Variants in KCNV1 observed in about 807,000 individuals in gnomAD.
KCNV1 encodes potassium voltage-gated channel subfamily V member 1.
Under a neutral mutation model 36.4 loss-of-function variants are expected in KCNV1, and 2 were observed. That is an observed-to-expected ratio of 0.05 (90% CI 0.02 to 0.17). The LOEUF is 0.17. Among genes scored for constraint, KCNV1 ranks in the 10% least tolerant of loss-of-function variants. The pLI is 1.00. For missense variants in KCNV1, 321 were observed against 643.6 expected (o/e 0.50, Z 5.42); for synonymous variants, 280 against 261.1 (o/e 1.07, Z -0.70).
At position 109,968,258 on chromosome 8, in the gene KCNV1, C is replaced by T. The variant is rs371299964; in HGVS notation, c.1333G>A (p.Val445Ile). Reference protein sequence around the residue: ...YFTLKLKEAAVRQREALKKLT... With the variant: ...YFTLKLKEAAIRQREALKKLT... The stretch of plus-strand genomic sequence containing the variant: ...TTCTTTAGGGCTTCACGCTGTCTAA[C>T]AGCTGCTTCCTTGAGTTTCAAGGTG... The change falls in exon 4 of 4, where the codon GTT becomes ATT. Residue 445 changes from valine (V) to isoleucine (I), a missense_variant. Val to Ile is a conservative substitution (Grantham distance 29). This residue lies in a region of KCNV1 where 45 missense variants were observed against 76.8 expected (regional missense o/e 0.59). Coordinates refer to ENST00000524391, the MANE Select transcript of KCNV1 (RefSeq NM_014379.4). The surrounding 1 kb of genome is among the most constrained non-coding windows in gnomAD (Gnocchi z 5.3). 1 of 1,614,180 alleles carries T rather than the reference C, an allele frequency of 6.2e-7. No homozygotes were observed. The highest frequency in any genetic ancestry group is 8.5e-7 in the Non-Finnish European group (1 of 1,180,028).
intron 3 of KCNV1, among the ~76,000 whole-genome samples, chr8:109,970,031 A>G (rs1157512221): frequency 6.6e-6 from 1 of 152,156 alleles, no homozygotes; most frequent in Non-Finnish European, 1.5e-5. Flanking sequence ...ACCTCTTAGA[A>G]TCATTTTTTG....
Position 109,964,205 on chromosome 8 carries a change from C to T in KCNV1, c.*3883G>A, listed in dbSNP as rs1179990930. 6.6e-6 allele frequency: 1 copy of T among 151,552 alleles called. No homozygotes were observed. The highest frequency in any genetic ancestry group is 1.5e-5 in the Non-Finnish European group (1 of 67,952). The allele number at this position is 151,552 out of a possible 1,614,324, so 9.4% of individuals were successfully genotyped here. The stretch of plus-strand genomic sequence containing the variant: ...GCAAAGGATATGAACAGACACTTTT[C>T]AAAAGAAAACATACATGCAGCCAAC... On this transcript the variant is annotated 3_prime_UTR_variant, in exon 4 of 4. Transcript: ENST00000524391.
chr8:109,968,741 G>T lies in KCNV1; in HGVS notation c.992-142C>A. On this transcript the variant is annotated intron_variant, in intron 3 of 3. Coordinates refer to ENST00000524391, the MANE Select transcript of KCNV1 (RefSeq NM_014379.4). The surrounding 1 kb of genome is among the most constrained non-coding windows in gnomAD (Gnocchi z 5.3). ...CCCCAGCACTGGGCAATGTTCTGGGGATACAAAGTTGATTAAATCATAATC... is the reference window on the plus strand; with the variant it reads ...CCCCAGCACTGGGCAATGTTCTGGGTATACAAAGTTGATTAAATCATAATC... 1 of 792,096 alleles carries T rather than the reference G, an allele frequency of 1.3e-6. No individual in the cohort carries two copies. Among genetic ancestry groups the T allele is most frequent in the Non-Finnish European group, 1.9e-6 (1 of 525,200 alleles). The allele number at this position is 792,096 out of a possible 1,614,324, so 49.1% of individuals were successfully genotyped here.
At position 109,968,181 on chromosome 8, in the gene KCNV1, A is replaced by G. The variant is rs746425470; in HGVS notation, c.1410T>C (p.Asp470=). ...TCTCCATGATACTCCGGGCATAGAC[A>G]TCTCTCAAGTTAACACTGATATATG... ...TDSYISVNLR[D]VYARSIMEML... The change falls in exon 4 of 4, where the codon GAT becomes GAC. Residue 470 remains aspartate, a synonymous_variant. Coordinates refer to ENST00000524391, the MANE Select transcript of KCNV1 (RefSeq NM_014379.4). This position sits in a 1 kb window ranked among gnomAD's most constrained non-coding sequence, Gnocchi z 5.3. 7 of 1,614,206 alleles carry G rather than the reference A, an allele frequency of 4.3e-6. No homozygotes were observed. In the East Asian group the frequency reaches 1.6e-4, roughly 36 times the overall value.
Position 109,973,920 on chromosome 8 carries a change from C to T in KCNV1, c.461+8G>A. 6.3e-7 allele frequency: 1 copy of T among 1,580,284 alleles called. No individual in the cohort carries two copies. Among genetic ancestry groups the T allele is most frequent in the South Asian group, 1.2e-5 (1 of 86,702 alleles). ...TCCCCGCCCAGCCGCCGCGTGCCTCCGGGGTACCTGTCCCTGCAGCAGGAA... is the reference window on the plus strand; with the variant it reads ...TCCCCGCCCAGCCGCCGCGTGCCTCTGGGGTACCTGTCCCTGCAGCAGGAA... On this transcript the variant is annotated splice_region_variant and intron_variant, in intron 2 of 3. Transcript: ENST00000524391.
intron 3 of KCNV1, among the ~76,000 whole-genome samples, chr8:109,970,753 G>A (rs1450165719): frequency 6.6e-6 from 1 of 152,154 alleles, no homozygotes; most frequent in Non-Finnish European, 1.5e-5. Flanking sequence ...CTTTGAAGAG[G>A]AGACATTGTG....
Position 109,968,626 on chromosome 8 carries a change from A to G in KCNV1, c.992-27T>C. On this transcript the variant is annotated intron_variant, in intron 3 of 3. Coordinates refer to ENST00000524391, the MANE Select transcript of KCNV1 (RefSeq NM_014379.4). This position sits in a 1 kb window ranked among gnomAD's most constrained non-coding sequence, Gnocchi z 5.3. The stretch of plus-strand genomic sequence containing the variant: ...TGCAACAGAACAAATGCTGTCAGTC[A>G]TTGGCATCCCTCTTCTCTCTCTTCC... The G allele has an allele frequency of 1.3e-6, 2 of 1,553,862 alleles. No individual in the cohort carries two copies. Among genetic ancestry groups the G allele is most frequent in the Non-Finnish European group, 1.7e-6 (2 of 1,145,222 alleles).
chr8:109,971,971 A>G (rs1193085999), intron 3 of KCNV1, among the ~76,000 whole-genome samples: 1 of 152,096 alleles, frequency 6.6e-6, no homozygotes, highest in Non-Finnish European at 1.5e-5. Context: ...TAATTTTTGT[A>G]TATCTTCTGG....
chr8:109,973,587 A>T lies in KCNV1; in HGVS notation c.461+341T>A, dbSNP rs370506565. On this transcript the variant is annotated intron_variant, in intron 2 of 3. Coordinates refer to ENST00000524391, the MANE Select transcript of KCNV1 (RefSeq NM_014379.4). ...TGATAAATGATAATGCTGCGTGCCA[A>T]ATCTTTTATCCCTATGCATGCATTT... Among the ~76,000 whole-genome samples, 586 of 152,290 alleles carry T rather than the reference A, an allele frequency of 3.8e-3. 4 individuals carry two copies. Among genetic ancestry groups the T allele is most frequent in the African/African-American group, 0.012 (517 of 41,552 alleles).
In KCNV1 at chr8:109,972,768, G is replaced by T. The variant is rs1359395337; in HGVS notation, c.481C>A (p.Leu161Met). 6.2e-7 allele frequency: 1 copy of T among 1,606,266 alleles called. No homozygotes were observed. The change falls in exon 3 of 4, where the codon CTG (leucine) becomes ATG (methionine). Residue 161 changes from leucine (L) to methionine (M), a missense_variant. Coordinates refer to ENST00000524391, the MANE Select transcript of KCNV1 (RefSeq NM_014379.4). This position sits in a 1 kb window ranked among gnomAD's most constrained non-coding sequence, Gnocchi z 5.2. Reference sequence around the variant, plus strand: ...TTCTTGAAGTCTAAAGTTTCACTCAGCTCTTTCCTTCTGAAGTATCTTTTA... The same window carrying T: ...TTCTTGAAGTCTAAAGTTTCACTCATCTCTTTCCTTCTGAAGTATCTTTTA... The part of the protein sequence containing the change: ...CRDRYFRRKE[L>M]SETLDFKKDT...
At position 109,963,850 on chromosome 8, in the gene KCNV1, A is replaced by G. The variant is rs1819914418; in HGVS notation, c.*4238T>C. 6.6e-6 allele frequency: 1 copy of G among 152,234 alleles called. No individual in the cohort carries two copies. Among genetic ancestry groups the G allele is most frequent in the Non-Finnish European group, 1.5e-5 (1 of 68,044 alleles). The allele number at this position is 152,234 out of a possible 1,614,324, so 9.4% of individuals were successfully genotyped here. On this transcript the variant is annotated 3_prime_UTR_variant, in exon 4 of 4. Coordinates refer to ENST00000524391, the MANE Select transcript of KCNV1 (RefSeq NM_014379.4). ...TATGAATATGTCACTCTTAATAGAG[A>G]TACCTCAGTAATTTCTTAAAATTGC... is the stretch of plus-strand genomic sequence containing the variant.
rs1819961773 is a variant in KCNV1, at chr8:109,967,812, ATTATT to A, written c.*271_*275del. On this transcript the variant is annotated 3_prime_UTR_variant, in exon 4 of 4. Coordinates refer to ENST00000524391, the MANE Select transcript of KCNV1 (RefSeq NM_014379.4). ...ACTTTTTTGTATGTATTGCAATAAC[ATTATT>A]TTATATTTGACAATTCAAACATGTT... is the stretch of plus-strand genomic sequence containing the variant. 3.3e-6 allele frequency: 1 copy of A among 302,428 alleles called. No homozygotes were observed. Among genetic ancestry groups the A allele is most frequent in the Non-Finnish European group, 6.1e-6 (1 of 162,692 alleles). The allele number at this position is 302,428 out of a possible 1,614,324, so 18.7% of individuals were successfully genotyped here.
At position 109,964,349 on chromosome 8, in the gene KCNV1, A is replaced by G. The variant is rs529136303; in HGVS notation, c.*3739T>C. On this transcript the variant is annotated 3_prime_UTR_variant, in exon 4 of 4. Coordinates refer to ENST00000524391, the MANE Select transcript of KCNV1 (RefSeq NM_014379.4). ...TATTATTAAAAAGCAAAAAAAAAAAAGCAGATGCTGGCGAAGTTATGGAGC... is the reference window on the plus strand; with the variant it reads ...TATTATTAAAAAGCAAAAAAAAAAAGGCAGATGCTGGCGAAGTTATGGAGC... 1 of 152,064 alleles carries G rather than the reference A, an allele frequency of 6.6e-6. No homozygotes were observed. The highest frequency in any genetic ancestry group is 1.9e-4 in the East Asian group (1 of 5,180). The allele number at this position is 152,064 out of a possible 1,614,324, so 9.4% of individuals were successfully genotyped here. A position where few individuals can be genotyped will look rare whatever the true frequency, so the allele number is the denominator to read the frequency against.
At chr8:109,973,841 G>A in intron 2 of KCNV1, 87 bp downstream of exon 2, 6 of 1,002,220 alleles carry the variant, frequency 6.0e-6, no homozygotes, top group Non-Finnish European at 8.3e-6. Flanking sequence ...AGCGAAGCTT[G>A]TGTAAAGCCT....
At chr8:109,975,364 G>A (rs767192375) in intron 1 of KCNV1, among the ~76,000 whole-genome samples, 172 bp from the exon 2 acceptor site, 44 of 152,126 alleles carry the variant, frequency 2.9e-4, no homozygotes, top group Non-Finnish European at 1.3e-4. Context: ...CAAGTTTCCC[G>A]GAGAGCAGGT....
intron 2 of KCNV1, 21 bp downstream of exon 2, chr8:109,973,907 C>A (rs753484410): frequency 6.4e-7 from 1 of 1,552,830 alleles, no homozygotes; most frequent in South Asian, 1.2e-5. Context: ...CCCGCCCAGC[C>A]GCCGCGTGCC....
rs775731785 is a variant in KCNV1, at chr8:109,974,300, C to A, written c.89G>T (p.Gly30Val). 4.5e-6 allele frequency: 7 copies of A among 1,545,574 alleles called. No homozygotes were observed. Among genetic ancestry groups the A allele is most frequent in the Non-Finnish European group, 6.1e-6 (7 of 1,149,330 alleles). The change falls in exon 2 of 4, where the codon GGT (glycine) becomes GTT (valine). Residue 30 changes from glycine to valine, a missense_variant. By Grantham distance (109) the Gly-to-Val change is moderately radical (BLOSUM62 -3). Coordinates refer to ENST00000524391, the MANE Select transcript of KCNV1 (RefSeq NM_014379.4). This position sits in a 1 kb window ranked among gnomAD's most constrained non-coding sequence, Gnocchi z 6.2. ...CCCGAGCGCCAAGGGCTCCCCTTCA[C>A]CCTCGCTGCAGAAGACACTAGAGTC... ...SLDSSVFCSE[G>V]EGEPLALGDC...
In KCNV1 at chr8:109,963,716, C is replaced by A. The variant is rs1819912921; in HGVS notation, c.*4372G>T. 6.6e-6 allele frequency: 1 copy of A among 151,948 alleles called. No homozygotes were observed. The highest frequency in any genetic ancestry group is 2.4e-5 in the African/African-American group (1 of 41,352). 9.4% of individuals were successfully genotyped at this position (151,948 alleles called of 1,614,324 possible). ...TAAAACACAGAACTGAGATTCCTAC[C>A]TCAGTTATTTTTGCATCTAATCCAT... On this transcript the variant is annotated 3_prime_UTR_variant, in exon 4 of 4. Transcript: ENST00000524391.
At position 109,972,553 on chromosome 8, in the gene KCNV1, A is replaced by C. The variant is rs772040240; in HGVS notation, c.696T>G (p.Ala232=). 4 of 1,614,022 alleles carry C rather than the reference A, an allele frequency of 2.5e-6. No homozygotes were observed. The highest frequency in any genetic ancestry group is 1.1e-5 in the South Asian group (1 of 91,092). ...VSIINMALMS[A]ELSWLDLQLL... is the part of the protein sequence containing the mutation. Reference sequence around the variant, plus strand: ...GCTGCAGGTCCAGCCAGCTTAACTCAGCTGACATCAGGGCCATGTTAATGA... The same window carrying C: ...GCTGCAGGTCCAGCCAGCTTAACTCCGCTGACATCAGGGCCATGTTAATGA... Residue 232 remains alanine, a synonymous_variant, in exon 3 of 4, where the codon GCT becomes GCG. Coordinates refer to ENST00000524391, the MANE Select transcript of KCNV1 (RefSeq NM_014379.4). The surrounding 1 kb of genome is among the most constrained non-coding windows in gnomAD (Gnocchi z 5.2).
Sources: gnomAD v4.1 joint callset for allele counts (sites outside exome capture counted in the v4.1 genomes callset) on GRCh38, gnomAD v4.1.1 for gene constraint, gnomAD v4.1.1 regional missense constraint, Gnocchi (gnomAD v3.1) non-coding constraint, MANE v1.5 for transcripts, NCBI Gene and HGNC (gene_info 2026-07-23, HGNC 2026-07-21) for gene names.